The following PPARA variants were observed in gnomAD, a reference collection of about 807,000 sequenced individuals.
The protein encoded by PPARA is peroxisome proliferator activated receptor alpha, also known as peroxisome proliferator-activated receptor alpha.
PPARA carries 22 observed loss-of-function variants against 42.2 expected under a neutral mutation model. The ratio of observed to expected loss-of-function variants is 0.52; its 90% CI spans 0.37 to 0.74. The LOEUF (loss-of-function observed/expected upper bound fraction) is 0.74, where lower values mean the gene tolerates loss of function less well. Ranked by LOEUF, PPARA falls within the 30% of genes least tolerant of loss-of-function variation. PPARA has a pLI of 0.00. For synonymous variants in PPARA, 242 were observed against 239.3 expected (o/e 1.01, Z -0.10); for missense variants, 465 against 608.2 (o/e 0.76, Z 2.48).
chr22:46,207,010 G>A (rs1933377347), intron 4 of PPARA, among the ~76,000 whole-genome samples: 1 of 152,066 alleles, frequency 6.6e-6, no homozygotes, highest in Non-Finnish European at 1.5e-5. Context: ...ATCACCTGAG[G>A]TCAGGAGTTC....
chr22:46,189,214 C>T (rs1931222904), intron 3 of PPARA, among the ~76,000 whole-genome samples: 1 of 152,198 alleles, frequency 6.6e-6, no homozygotes. Flanking sequence ...TCACCATCCA[C>T]AAAGGTAAGA....
At chr22:46,158,915 A>C (rs1409595523) in intron 2 of PPARA, among the ~76,000 whole-genome samples, 2 of 152,060 alleles carry the variant, frequency 1.3e-5, no homozygotes, top group Non-Finnish European at 2.9e-5. Flanking sequence ...TTGAGGCTGG[A>C]GTCTCGCTCT....
chr22:46,163,051 G>C lies in PPARA; in HGVS notation c.-127+11081G>C, dbSNP rs1926452746. On this transcript the variant is annotated intron_variant, in intron 2 of 8. Coordinates refer to ENST00000407236, the MANE Select transcript of PPARA (RefSeq NM_005036.6). This position sits in a 1 kb window ranked among gnomAD's most constrained non-coding sequence, Gnocchi z 4.9. The stretch of plus-strand genomic sequence containing the variant: ...TAACTGGCAGACTCCCAGCTTCAAG[G>C]AGAGGCACGGAGGGAAACTGAGAGC... Among the ~76,000 whole-genome samples the C allele has an allele frequency of 6.6e-6, 1 of 152,196 alleles. No individual in the cohort carries two copies. Among genetic ancestry groups the C allele is most frequent in the Non-Finnish European group, 1.5e-5 (1 of 68,046 alleles).
At chr22:46,202,513 G>T (rs1029435957) in intron 4 of PPARA, among the ~76,000 whole-genome samples, 4 of 151,872 alleles carry the variant, frequency 2.6e-5, no homozygotes, top group African/African-American at 9.7e-5. Flanking sequence ...GAGGCGGGTG[G>T]ATCACCTGAG....
rs1353481696 is a variant in PPARA, at chr22:46,165,593, C to T, written c.-126-11160C>T. On this transcript the variant is annotated intron_variant, in intron 2 of 8. Transcript: ENST00000407236. The surrounding 1 kb of genome is among the most constrained non-coding windows in gnomAD (Gnocchi z 5.5). The stretch of plus-strand genomic sequence containing the variant: ...AGAAGGGAAGACCCTGGTAAACATC[C>T]CAAACTTTGGATTGGGACCCAAAAA... Among the ~76,000 whole-genome samples the T allele has an allele frequency of 6.6e-6, 1 of 152,124 alleles. No homozygotes were observed. Among genetic ancestry groups the T allele is most frequent in the Non-Finnish European group, 1.5e-5 (1 of 68,018 alleles).
At chr22:46,198,095 A>G (rs376674991) in intron 3 of PPARA, among the ~76,000 whole-genome samples, 8 of 142,392 alleles carry the variant, frequency 5.6e-5, no homozygotes, top group African/African-American at 2.1e-4. Flanking sequence ...AAAATTAGCC[A>G]GGCGTGGTGG....
rs184861448 is a variant in PPARA at position 46,218,956 on chromosome 22, G to A, written c.508+555G>A. Among the ~76,000 whole-genome samples the A allele has an allele frequency of 2.5e-3, 382 of 152,136 alleles. 2 individuals carry two copies. The highest frequency in any genetic ancestry group is 6.2e-3 in the Admixed American group (94 of 15,276). On this transcript the variant is annotated intron_variant, in intron 6 of 8. Transcript: ENST00000407236. ...GCGGGTGGATCACTTGAGGTCAGGA[G>A]TTTGAGACCAGCCTGGCGAACATGG...
chr22:46,172,803 G>A (rs1380077109), intron 2 of PPARA, among the ~76,000 whole-genome samples: 2 of 152,170 alleles, frequency 1.3e-5, no homozygotes, highest in Non-Finnish European at 2.9e-5. Context: ...TGGCCACAGG[G>A]CTTGTTGAGT....
At chr22:46,205,957 T>G (rs1474492229) in intron 4 of PPARA, among the ~76,000 whole-genome samples, 1 of 152,156 alleles carries the variant, frequency 6.6e-6, no homozygotes, top group Non-Finnish European at 1.5e-5. Flanking sequence ...CCATTCTTTT[T>G]CTTTTAACTG....
chr22:46,178,687 A>G (rs144561084), intron 3 of PPARA, among the ~76,000 whole-genome samples: 1 of 152,138 alleles, frequency 6.6e-6, no homozygotes, highest in African/African-American at 2.4e-5. Context: ...GAACCATCTG[A>G]GAGGATTAGA....
At chr22:46,181,817 A>T (rs1051485782) in intron 3 of PPARA, among the ~76,000 whole-genome samples, 5 of 152,170 alleles carry the variant, frequency 3.3e-5, no homozygotes, top group African/African-American at 1.2e-4. Context: ...AACTTACTGT[A>T]AGACTCTAGT....
rs1008326012 is a variant in PPARA, at chr22:46,234,190, T to C, written c.1160-943T>C. ...CACTCTGGAGGCCGAGGCAGGAGGA[T>C]TGCTTGAGCCTAGGAGTTCCAGTCC... is the stretch of plus-strand genomic sequence containing the variant. On this transcript the variant is annotated intron_variant, in intron 8 of 8. Coordinates refer to ENST00000407236, the MANE Select transcript of PPARA (RefSeq NM_005036.6). This position sits in a 1 kb window ranked among gnomAD's most constrained non-coding sequence, Gnocchi z 5.8. Among the ~76,000 whole-genome samples, 8 of 152,094 alleles carry C rather than the reference T, an allele frequency of 5.3e-5. No individual in the cohort carries two copies. The highest frequency in any genetic ancestry group is 1.9e-4 in the African/African-American group (8 of 41,426).
At position 46,224,531 on chromosome 22, in the gene PPARA, T is replaced by C. The variant is rs1316544581; in HGVS notation, c.711+4517T>C. 6.6e-6 allele frequency among the ~76,000 whole-genome samples: 1 copy of C among 152,156 alleles called. No individual in the cohort carries two copies. The highest frequency in any genetic ancestry group is 1.9e-4 in the East Asian group (1 of 5,174). ...CAGTGGCCCACATGCGGTCGCCGTT[T>C]CATCAGTTTCCAGCCTGGGTGACCT... On this transcript the variant is annotated intron_variant, in intron 7 of 8. Transcript: ENST00000407236. The surrounding 1 kb of genome is among the most constrained non-coding windows in gnomAD (Gnocchi z 5.7).
chr22:46,223,747 C>T (rs948137723), intron 7 of PPARA, among the ~76,000 whole-genome samples: 4 of 150,744 alleles, frequency 2.7e-5, no homozygotes, highest in Non-Finnish European at 4.4e-5. Context: ...CTCAGGAGTT[C>T]GAGACCAGCC....
At position 46,224,209 on chromosome 22, in the gene PPARA, C is replaced by G. The variant is rs150311258; in HGVS notation, c.711+4195C>G. Among the ~76,000 whole-genome samples, 2 of 152,320 alleles carry G rather than the reference C, an allele frequency of 1.3e-5. No individual in the cohort carries two copies. The highest frequency in any genetic ancestry group is 3.4e-3 in the Middle Eastern group (1 of 294). ...CCCATGTCCTTGTCTGCGCACGGGA[C>G]GCTGGAGGCACGGCCCCCTCCTCCC... On this transcript the variant is annotated intron_variant, in intron 7 of 8. Coordinates refer to ENST00000407236, the MANE Select transcript of PPARA (RefSeq NM_005036.6). The surrounding 1 kb of genome is among the most constrained non-coding windows in gnomAD (Gnocchi z 5.7).
In PPARA at chr22:46,184,750, G is replaced by A. The variant is rs1930429964; in HGVS notation, c.-43+7914G>A. Among the ~76,000 whole-genome samples, 1 of 152,228 alleles carries A rather than the reference G, an allele frequency of 6.6e-6. No individual in the cohort carries two copies. Among genetic ancestry groups the A allele is most frequent in the South Asian group, 2.1e-4 (1 of 4,832 alleles). ...CACGCCTGTAGTACCAGCTATTCGG[G>A]AGGCTGAGGCACGAGAATTGCTTTA... On this transcript the variant is annotated intron_variant, in intron 3 of 8. Transcript: ENST00000407236. This position sits in a 1 kb window ranked among gnomAD's most constrained non-coding sequence, Gnocchi z 4.4.
rs1203842445 is a variant in PPARA at position 46,224,033 on chromosome 22, C to A, written c.711+4019C>A. Among the ~76,000 whole-genome samples the A allele has an allele frequency of 4.6e-5, 7 of 152,140 alleles. No individual in the cohort carries two copies. Among genetic ancestry groups the A allele is most frequent in the African/African-American group, 1.7e-4 (7 of 41,430 alleles). On this transcript the variant is annotated intron_variant, in intron 7 of 8. Transcript: ENST00000407236. This position sits in a 1 kb window ranked among gnomAD's most constrained non-coding sequence, Gnocchi z 5.7. ...TTGGTTTTCTGTAGAAAAAGAGAAC[C>A]GGGCACTCTTCCGAGAGTCAGATGC...
intron 2 of PPARA, among the ~76,000 whole-genome samples, chr22:46,169,023 T>C (rs1310488417): frequency 6.6e-6 from 1 of 151,736 alleles, no homozygotes; most frequent in East Asian, 1.9e-4. Context: ...TGCCAGGGGC[T>C]CATGGGGAGG....
Position 46,163,892 on chromosome 22 carries a change from G to A in PPARA, c.-127+11922G>A, listed in dbSNP as rs952789386. ...ATTCCCAAGAAACCAGGCCATGGAG[G>A]TGGGTTTGAGGGTTTGTATTGGTGT... is the stretch of plus-strand genomic sequence containing the variant. On this transcript the variant is annotated intron_variant, in intron 2 of 8. Coordinates refer to ENST00000407236, the MANE Select transcript of PPARA (RefSeq NM_005036.6). This position sits in a 1 kb window ranked among gnomAD's most constrained non-coding sequence, Gnocchi z 4.9. 4 of 152,290 alleles carry A rather than the reference G, an allele frequency of 2.6e-5. No individual in the cohort carries two copies. The highest frequency in any genetic ancestry group is 5.9e-5 in the Non-Finnish European group (4 of 68,118). 9.4% of individuals were successfully genotyped at this position (152,290 alleles called of 1,614,324 possible). A position where few individuals can be genotyped will look rare whatever the true frequency, so the allele number is the denominator to read the frequency against.
Sources: allele counts gnomAD v4.1 joint callset (sites outside exome capture counted in the v4.1 genomes callset), GRCh38; gene constraint gnomAD v4.1.1; non-coding constraint Gnocchi (gnomAD v3.1); transcripts MANE v1.5; gene names NCBI Gene and HGNC (gene_info 2026-07-23, HGNC 2026-07-21).